Variants in SIDT1 observed in about 807,000 individuals in gnomAD.
The protein encoded by SIDT1 is SID1 transmembrane family member 1, also known as SID1 transmembrane family, member 1.
Under a neutral mutation model 107.5 loss-of-function variants are expected in SIDT1, and 101 were observed. That is an observed-to-expected ratio of 0.94 (90% CI 0.80 to 1.11). The LOEUF (loss-of-function observed/expected upper bound fraction) is 1.11. SIDT1 is among the 50% of genes least tolerant of loss of function. SIDT1 has a pLI of 0.00. For synonymous variants in SIDT1, 395 were observed against 398.2 expected (o/e 0.99, Z 0.10); for missense variants, 1,076 against 1,058.2 (o/e 1.02, Z -0.23).
At chr3:113,571,759 C>T (rs759229679) in intron 3 of SIDT1, among the ~76,000 whole-genome samples, 4 of 152,174 alleles carry the variant, frequency 2.6e-5, no homozygotes, top group Admixed American at 6.5e-5. Flanking sequence ...TATGGTGAAA[C>T]TCCGTCTCTA....
At chr3:113,611,261 AT>A in intron 18 of SIDT1, 117 bp downstream of exon 18, 1 of 1,175,018 alleles carries the variant, frequency 8.5e-7, no homozygotes, top group East Asian at 2.5e-5. Context: ...TCATGACACA[AT>A]TTCATCTCAT....
chr3:113,614,689 A>G (rs1266196245), intron 19 of SIDT1, among the ~76,000 whole-genome samples: 13 of 152,236 alleles, frequency 8.5e-5, no homozygotes, highest in Admixed American at 7.2e-4. Flanking sequence ...TTTCATCATT[A>G]GCTCTCATAA....
Position 113,571,486 on chromosome 3 carries a change from G to A in SIDT1, c.515+3776G>A, listed in dbSNP as rs543655144. ...GCTTGGTGCCATCTACCTATCCTCT[G>A]CACACACACACACACACACACACAT... is the stretch of plus-strand genomic sequence containing the variant. On this transcript the variant is annotated intron_variant, in intron 3 of 24. Coordinates refer to ENST00000264852, the MANE Select transcript of SIDT1 (RefSeq NM_017699.3). Among the ~76,000 whole-genome samples, 24 of 148,950 alleles carry A rather than the reference G, an allele frequency of 1.6e-4. 1 individual carries two copies. The South Asian group carries it at 5.1e-3, about 32-fold the overall frequency.
chr3:113,553,743 G>A (rs1415387665), intron 1 of SIDT1, among the ~76,000 whole-genome samples: 2 of 152,146 alleles, frequency 1.3e-5, no homozygotes, highest in Non-Finnish European at 2.9e-5. Flanking sequence ...AGGGAGGTCA[G>A]TGGGACTGAG....
chr3:113,547,845 C>T (rs1436164223), intron 1 of SIDT1, among the ~76,000 whole-genome samples: 1 of 151,972 alleles, frequency 6.6e-6, no homozygotes, highest in Non-Finnish European at 1.5e-5. Flanking sequence ...TCAAGACTGG[C>T]CAGGGGTGCT....
chr3:113,532,821 G>A lies in SIDT1; in HGVS notation c.-201G>A. 2.5e-6 allele frequency: 1 copy of A among 404,680 alleles called. No homozygotes were observed. Among genetic ancestry groups the A allele is most frequent in the Non-Finnish European group, 4.3e-6 (1 of 231,536 alleles). The allele number at this position is 404,680 out of a possible 1,614,324, so 25.1% of individuals were successfully genotyped here. ...CTACTCTCCACCCGTGACCTCCAGT[G>A]GAGACCCCAGGCGGCAGCATCAGTA... On this transcript the variant is annotated 5_prime_UTR_variant, in exon 1 of 25. An upstream open reading frame in the 5' UTR gains an earlier in-frame stop. Transcript: ENST00000264852.
chr3:113,595,434 G>A (rs1004494265), intron 10 of SIDT1, among the ~76,000 whole-genome samples: 1 of 152,106 alleles, frequency 6.6e-6, no homozygotes, highest in African/African-American at 2.4e-5. Context: ...AACAAAATTA[G>A]GTGGGCGTGG....
At chr3:113,575,490 G>A (rs1483309752) in intron 3 of SIDT1, among the ~76,000 whole-genome samples, 1 of 152,200 alleles carries the variant, frequency 6.6e-6, no homozygotes, top group Non-Finnish European at 1.5e-5. Flanking sequence ...ACATAACTGG[G>A]TTTGACACTC....
At chr3:113,560,215 G>T (rs1941299578) in intron 1 of SIDT1, among the ~76,000 whole-genome samples, 1 of 152,132 alleles carries the variant, frequency 6.6e-6, no homozygotes. Flanking sequence ...GCAGGCAATG[G>T]CAGGACCTAT....
intron 10 of SIDT1, among the ~76,000 whole-genome samples, chr3:113,599,044 C>T (rs1328512890): frequency 2.0e-5 from 3 of 152,186 alleles, no homozygotes; most frequent in East Asian, 1.9e-4. Flanking sequence ...GCAGGAGGAT[C>T]GCCTGAACCC....
At chr3:113,552,823 C>G (rs1335066740) in intron 1 of SIDT1, among the ~76,000 whole-genome samples, 1 of 152,176 alleles carries the variant, frequency 6.6e-6, no homozygotes, top group Non-Finnish European at 1.5e-5. Flanking sequence ...TGTATCCGGC[C>G]CCTTTGACAT....
At chr3:113,635,288 G>A in the SIDT1 span, among the ~76,000 whole-genome samples, 1 of 152,156 alleles carries the variant, frequency 6.6e-6, no homozygotes, top group Non-Finnish European at 1.5e-5. Context: ...CAGAGGCCAG[G>A]AGTTTGAAAC....
intron 1 of SIDT1, among the ~76,000 whole-genome samples, chr3:113,560,999 A>C (rs1342670963): frequency 6.6e-6 from 1 of 152,194 alleles, no homozygotes; most frequent in Non-Finnish European, 1.5e-5. Flanking sequence ...CACAGGAAAC[A>C]GACAAGATTT....
At chr3:113,582,684 C>T (rs1163102096) in intron 6 of SIDT1, among the ~76,000 whole-genome samples, 1 of 151,980 alleles carries the variant, frequency 6.6e-6, no homozygotes, top group East Asian at 1.9e-4. Context: ...TGCAATGAGC[C>T]GAGATCACGC....
intron 7 of SIDT1, 74 bp downstream of exon 7, chr3:113,583,570 C>A: frequency 9.0e-7 from 1 of 1,115,214 alleles, no homozygotes; most frequent in African/African-American, 1.5e-5. Context: ...GCTGAAACCT[C>A]CTTTCTAGTT....
rs116369058 is a variant in SIDT1 at position 113,573,829 on chromosome 3, A to T, written c.516-3093A>T. Among the ~76,000 whole-genome samples, 1,105 of 152,338 alleles carry T rather than the reference A, an allele frequency of 7.3e-3. 12 individuals are homozygous for T. The highest frequency in any genetic ancestry group is 0.025 in the African/African-American group (1,044 of 41,560). Reference sequence around the variant, plus strand: ...AAACTGTAAGAAATAATAGATTTCCATTCTTTATAAGTCACCGAGTTGACA... The same window carrying T: ...AAACTGTAAGAAATAATAGATTTCCTTTCTTTATAAGTCACCGAGTTGACA... On this transcript the variant is annotated intron_variant, in intron 3 of 24. Coordinates refer to ENST00000264852, the MANE Select transcript of SIDT1 (RefSeq NM_017699.3).
Position 113,623,702 on chromosome 3 carries a change from A to G in SIDT1, c.2276A>G (p.Tyr759Cys). ...GCTGTGATGTGGGCTGCCGCCCTAT[A>G]TTTTTTCTTCCAGAATCTCAGCAGC... ...ATAVMWAAALYFFFQNLSSWE... is the reference protein window; with the variant it reads ...ATAVMWAAALCFFFQNLSSWE... Residue 759 changes from tyrosine to cysteine, a missense_variant, in exon 23 of 25, where the codon TAT becomes TGT. By Grantham distance (194) the Tyr-to-Cys change is radical. Coordinates refer to ENST00000264852, the MANE Select transcript of SIDT1 (RefSeq NM_017699.3). 1 of 1,613,798 alleles carries G rather than the reference A, an allele frequency of 6.2e-7. No homozygotes were observed. Among genetic ancestry groups the G allele is most frequent in the Non-Finnish European group, 8.5e-7 (1 of 1,179,902 alleles).
At chr3:113,585,036 G>A in intron 8 of SIDT1, 141 bp from the exon 9 acceptor site, 2 of 669,442 alleles carry the variant, frequency 3.0e-6, no homozygotes, top group South Asian at 1.9e-5. Flanking sequence ...GGGACCTCCA[G>A]TAGCAGTTTT....
intron 23 of SIDT1, among the ~76,000 whole-genome samples, chr3:113,625,145 G>C (rs753946608): frequency 8.0e-5 from 12 of 150,732 alleles, no homozygotes; most frequent in African/African-American, 1.5e-4. Flanking sequence ...CTTTTTTTTG[G>C]GGGGGCGGGG....
Sources: allele counts gnomAD v4.1 joint callset (sites outside exome capture counted in the v4.1 genomes callset), GRCh38; gene constraint gnomAD v4.1.1; transcripts MANE v1.5; gene names NCBI Gene and HGNC (gene_info 2026-07-23, HGNC 2026-07-21).